HDAC9: variants seen among roughly 807,000 people sequenced by gnomAD.
The protein encoded by HDAC9 is MEF-2 interacting transcription repressor (MITR) protein.
HDAC9 carries 41 observed loss-of-function variants against 139.4 expected under a neutral mutation model. The ratio of observed to expected loss-of-function variants is 0.29; its 90% CI spans 0.23 to 0.38. HDAC9 has a LOEUF of 0.38. HDAC9 is among the 10% of genes least tolerant of loss of function. The pLI, the probability that HDAC9 is intolerant of heterozygous loss-of-function variation, is 1.00. For missense variants in HDAC9, 1,147 were observed against 1,297.0 expected (o/e 0.88, Z 1.78); for synonymous variants, 517 against 476.2 (o/e 1.09, Z -1.12).
At chr7:18,467,118 A>G (rs1794345946) in intron 1 of HDAC9, among the ~76,000 whole-genome samples, 1 of 152,190 alleles carries the variant, frequency 6.6e-6, no homozygotes, top group Non-Finnish European at 1.5e-5. Flanking sequence ...TCACAGTCAA[A>G]TAAACTTTAA....
chr7:18,310,564 C>A (rs1048528290), intron 1 of HDAC9, among the ~76,000 whole-genome samples: 3 of 152,124 alleles, frequency 2.0e-5, no homozygotes, highest in African/African-American at 7.2e-5. Context: ...ATTATGCATA[C>A]ACTCACGTTT....
At position 18,972,716 on chromosome 7, in the gene HDAC9, C is replaced by T. The variant is rs544771021; in HGVS notation, c.3023-3090C>T. On this transcript the variant is annotated intron_variant, in intron 24 of 25. Coordinates refer to ENST00000686413, the MANE Select transcript of HDAC9 (RefSeq NM_178425.4). ...TTCTTATTCATACTCTTCAATTAGC[C>T]GTGTCTCCAGTTTTATGATAGCCTC... Among the ~76,000 whole-genome samples the T allele has an allele frequency of 7.2e-5, 11 of 152,090 alleles. No individual in the cohort carries two copies. The South Asian group carries it at 1.0e-3, about 14-fold the overall frequency.
At chr7:18,835,364 A>G (rs1796159932) in intron 19 of HDAC9, 103 bp from the exon 20 acceptor site, 8 of 1,246,962 alleles carry the variant, frequency 6.4e-6, no homozygotes, top group Non-Finnish European at 8.7e-6. Context: ...ACAGAAAATG[A>G]GAAAGAAAGT....
intron 6 of HDAC9, among the ~76,000 whole-genome samples, chr7:18,624,879 A>G (rs1370243842): frequency 1.3e-5 from 2 of 151,972 alleles, no homozygotes; most frequent in Admixed American, 6.6e-5. Context: ...TGAGATTTTA[A>G]TATCTCTCAT....
intron 6 of HDAC9, among the ~76,000 whole-genome samples, chr7:18,614,698 A>AT (rs1385902461): frequency 6.6e-6 from 1 of 152,162 alleles, no homozygotes; most frequent in Admixed American, 6.5e-5. Flanking sequence ...TAAGTACAAC[A>AT]TTTTTTCTAC....
At chr7:18,991,433 C>T (rs766529024) in intron 25 of HDAC9, among the ~76,000 whole-genome samples, 1 of 152,238 alleles carries the variant, frequency 6.6e-6, no homozygotes, top group African/African-American at 2.4e-5. Context: ...GAGGTCAGAT[C>T]AAGACCATCC....
chr7:18,925,712 G>A (rs1024538089), intron 22 of HDAC9, among the ~76,000 whole-genome samples: 1 of 150,296 alleles, frequency 6.7e-6, no homozygotes, highest in Non-Finnish European at 1.5e-5. Flanking sequence ...TTTTTCATTT[G>A]GTGTGTTATA....
intron 6 of HDAC9, among the ~76,000 whole-genome samples, chr7:18,615,349 C>T (rs1033926714): frequency 6.6e-6 from 1 of 152,058 alleles, no homozygotes; most frequent in Non-Finnish European, 1.5e-5. Flanking sequence ...AATAATATCT[C>T]AAATGGAATG....
chr7:18,977,785 A>G (rs1375712645), intron 25 of HDAC9, among the ~76,000 whole-genome samples: 1 of 152,144 alleles, frequency 6.6e-6, no homozygotes, highest in Non-Finnish European at 1.5e-5. Context: ...GAAGAAAAAT[A>G]GTTTTGCTTG....
chr7:18,481,655 G>T (rs1188094177), intron 1 of HDAC9, among the ~76,000 whole-genome samples: 1 of 152,130 alleles, frequency 6.6e-6, no homozygotes, highest in East Asian at 1.9e-4. Context: ...ATGATAAAAT[G>T]ATGTAATGTG....
intron 2 of HDAC9, among the ~76,000 whole-genome samples, chr7:18,214,645 T>G (rs552379871): frequency 6.6e-6 from 1 of 152,172 alleles, no homozygotes; most frequent in East Asian, 1.9e-4. Context: ...ATAGGAAACT[T>G]ATATATAATA....
At chr7:18,239,651 A>T (rs183610065) in intron 2 of HDAC9, among the ~76,000 whole-genome samples, 1 of 152,218 alleles carries the variant, frequency 6.6e-6, no homozygotes, top group African/African-American at 2.4e-5. Flanking sequence ...AAAACATTTC[A>T]GATGACATGA....
intron 1 of HDAC9, among the ~76,000 whole-genome samples, chr7:18,348,528 G>A (rs1782599470): frequency 6.6e-6 from 1 of 152,056 alleles, no homozygotes; most frequent in Non-Finnish European, 1.5e-5. Context: ...CTATTATACT[G>A]TAGGGGTCAT....
intron 21 of HDAC9, among the ~76,000 whole-genome samples, chr7:18,871,263 C>G (rs1003489540): frequency 4.6e-5 from 7 of 152,122 alleles, no homozygotes; most frequent in African/African-American, 1.7e-4. Context: ...ATGTCCATGT[C>G]TCTTTTAAAG....
chr7:18,261,874 C>G (rs1469226492), intron 2 of HDAC9, among the ~76,000 whole-genome samples: 1 of 152,172 alleles, frequency 6.6e-6, no homozygotes, highest in Non-Finnish European at 1.5e-5. Flanking sequence ...TAAAATCATA[C>G]AACTAAATGA....
At chr7:18,727,817 T>C in intron 13 of HDAC9, 60 bp downstream of exon 13, 1 of 1,278,164 alleles carries the variant, frequency 7.8e-7, no homozygotes, top group Non-Finnish European at 1.0e-6. Context: ...CTTGTAGGAT[T>C]AACCGATTTA....
chr7:18,738,044 GGTTTAAAGTCT>G (rs1470999464), intron 13 of HDAC9, among the ~76,000 whole-genome samples: 1 of 152,012 alleles, frequency 6.6e-6, no homozygotes, highest in African/African-American at 2.4e-5. Context: ...GATCTTTGTT[GGTTTAAAGTCT>G]GTTTTATCAG....
chr7:18,802,240 T>C (rs1474866679), intron 17 of HDAC9, among the ~76,000 whole-genome samples: 1 of 151,970 alleles, frequency 6.6e-6, no homozygotes, highest in Non-Finnish European at 1.5e-5. Context: ...TTTTAAAATG[T>C]CTTATTTCCA....
At chr7:18,232,541 G>C (rs963955116) in intron 2 of HDAC9, among the ~76,000 whole-genome samples, 2 of 152,086 alleles carry the variant, frequency 1.3e-5, no homozygotes, top group Non-Finnish European at 2.9e-5. Flanking sequence ...CTTTTCTATC[G>C]TAGTTATTTC....
Sources: allele counts gnomAD v4.1 joint callset (sites outside exome capture counted in the v4.1 genomes callset), GRCh38; gene constraint gnomAD v4.1.1; transcripts MANE v1.5; gene names NCBI Gene and HGNC (gene_info 2026-07-23, HGNC 2026-07-21).